Variants in NEGR1 observed in about 807,000 individuals in gnomAD.
NEGR1 encodes the protein IgLON family member 4.
NEGR1 carries 10 observed loss-of-function variants against 40.9 expected under a neutral mutation model. The observed-to-expected ratio is 0.24, with a 90% CI of 0.15 to 0.42. The LOEUF is 0.42. NEGR1 is among the 10% of genes least tolerant of loss of function. NEGR1 has a pLI of 1.00. For missense variants in NEGR1, 352 were observed against 438.9 expected (o/e 0.80, Z 1.77); for synonymous variants, 185 against 166.8 (o/e 1.11, Z -0.84).
chr1:71,922,592 C>A (rs1281609428), intron 2 of NEGR1, among the ~76,000 whole-genome samples: 1 of 152,112 alleles, frequency 6.6e-6, no homozygotes, highest in Admixed American at 6.5e-5. Context: ...ATTTTACAGT[C>A]TAACTTTGTT....
intron 1 of NEGR1, among the ~76,000 whole-genome samples, chr1:71,959,191 T>A (rs989986618): frequency 9.9e-5 from 15 of 152,120 alleles, no homozygotes; most frequent in African/African-American, 3.4e-4. Flanking sequence ...ACATGATGAT[T>A]CTCAAATTCA....
intron 1 of NEGR1, among the ~76,000 whole-genome samples, chr1:72,006,218 T>C (rs890155964): frequency 3.3e-5 from 5 of 152,204 alleles, no homozygotes; most frequent in African/African-American, 1.2e-4. Flanking sequence ...GGCACTTCTG[T>C]GTGTCCACTT....
chr1:72,002,585 T>C (rs1646567485), intron 1 of NEGR1, among the ~76,000 whole-genome samples: 1 of 152,112 alleles, frequency 6.6e-6, no homozygotes, highest in Non-Finnish European at 1.5e-5. Flanking sequence ...TGGTAGAATT[T>C]TATTATAAAG....
intron 1 of NEGR1, among the ~76,000 whole-genome samples, chr1:72,191,485 G>A (rs1652819298): frequency 6.6e-6 from 1 of 151,656 alleles, no homozygotes; most frequent in Non-Finnish European, 1.5e-5. Context: ...ACTTCAACTG[G>A]TTTTTGTTAA....
At chr1:71,703,515 G>GAAAA (rs1016841839) in intron 3 of NEGR1, 1 of 145,428 alleles carries the variant, frequency 6.9e-6, no homozygotes, top group South Asian at 2.1e-4. Context: ...GGAAATAAGA[G>GAAAA]AAAAAAAATT....
chr1:71,964,726 A>G (rs1325464981), intron 1 of NEGR1, among the ~76,000 whole-genome samples: 2 of 152,184 alleles, frequency 1.3e-5, no homozygotes, highest in Non-Finnish European at 2.9e-5. Context: ...GTTATGCAGT[A>G]ATATCAATGA....
intron 6 of NEGR1, among the ~76,000 whole-genome samples, chr1:71,499,737 G>A (rs1474354509): frequency 6.6e-6 from 1 of 151,730 alleles, no homozygotes; most frequent in Non-Finnish European, 1.5e-5. Context: ...AATAAGACTA[G>A]GCAGGTAGAA....
intron 6 of NEGR1, among the ~76,000 whole-genome samples, chr1:71,457,055 G>C (rs1314879415): frequency 1.3e-5 from 2 of 152,106 alleles, no homozygotes; most frequent in Non-Finnish European, 2.9e-5. Context: ...TGGCTTCTGA[G>C]AGTCCTCACA....
At chr1:72,266,524 T>C (rs1655645101) in intron 1 of NEGR1, among the ~76,000 whole-genome samples, 1 of 150,984 alleles carries the variant, frequency 6.6e-6, no homozygotes, top group African/African-American at 2.4e-5. Flanking sequence ...AGAAGTCTTT[T>C]ATAAAATATG....
intron 6 of NEGR1, among the ~76,000 whole-genome samples, chr1:71,591,290 A>G (rs1272202991): frequency 2.0e-5 from 3 of 152,162 alleles, no homozygotes; most frequent in African/African-American, 7.2e-5. Flanking sequence ...TCAGCACTAT[A>G]TTATTTCCAG....
rs963465566 is a variant in NEGR1 at position 71,815,887 on chromosome 1, C to A, written c.410-39590G>T. Among the ~76,000 whole-genome samples, 4 of 152,144 alleles carry A rather than the reference C, an allele frequency of 2.6e-5. No homozygotes were observed. In the East Asian group the frequency reaches 7.8e-4, roughly 30 times the overall value. On this transcript the variant is annotated intron_variant, in intron 2 of 6. Coordinates refer to ENST00000357731, the MANE Select transcript of NEGR1 (RefSeq NM_173808.3). ...GCCAGTGATCACTGATAAACTGGAT[C>A]ATGGTTGAAGTGATAAAAGGTTTAA...
chr1:72,216,334 T>C (rs1453442225), intron 1 of NEGR1, among the ~76,000 whole-genome samples: 1 of 147,210 alleles, frequency 6.8e-6, no homozygotes, highest in African/African-American at 2.5e-5. Flanking sequence ...GTAACAAACC[T>C]GCAGGTTCTG....
intron 1 of NEGR1, among the ~76,000 whole-genome samples, chr1:72,181,920 T>A (rs1254603231): frequency 6.6e-6 from 1 of 152,038 alleles, no homozygotes; most frequent in Non-Finnish European, 1.5e-5. Context: ...GAGAGGTGTA[T>A]CTCAGAGGAT....
chr1:71,904,572 A>T (rs1324514893), intron 2 of NEGR1, among the ~76,000 whole-genome samples: 1 of 152,178 alleles, frequency 6.6e-6, no homozygotes, highest in Non-Finnish European at 1.5e-5. Flanking sequence ...TGGCAAAATT[A>T]GAAATCTCTT....
chr1:72,073,219 T>C (rs79012044), intron 1 of NEGR1, among the ~76,000 whole-genome samples: 23 of 152,202 alleles, frequency 1.5e-4, no homozygotes, highest in African/African-American at 5.5e-4. Context: ...TTATGTGCCT[T>C]CTGAGGATCG....
At chr1:71,560,798 A>G (rs1158835270) in intron 6 of NEGR1, among the ~76,000 whole-genome samples, 1 of 151,476 alleles carries the variant, frequency 6.6e-6, no homozygotes, top group Non-Finnish European at 1.5e-5. Flanking sequence ...TAAGCTTCAT[A>G]TCCATTGTCT....
chr1:71,457,196 T>G (rs906828072), intron 6 of NEGR1, among the ~76,000 whole-genome samples: 2 of 152,130 alleles, frequency 1.3e-5, no homozygotes, highest in Non-Finnish European at 2.9e-5. Context: ...TCCACTCTCA[T>G]GTGGTCTAAA....
Position 71,704,060 on chromosome 1 carries a change from A to G in NEGR1, c.536-5921T>C, listed in dbSNP as rs186840995. On this transcript the variant is annotated intron_variant, in intron 3 of 6. Transcript: ENST00000357731. ...AATCTAAAAAGGAGCCAGAGATAAAATACACATTTTACACTAAGAAACTGA... is the reference window on the plus strand; with the variant it reads ...AATCTAAAAAGGAGCCAGAGATAAAGTACACATTTTACACTAAGAAACTGA... 1.9e-3 allele frequency among the ~76,000 whole-genome samples: 282 copies of G among 152,100 alleles called. 2 individuals are homozygous for G. The highest frequency in any genetic ancestry group is 6.6e-3 in the African/African-American group (275 of 41,558).
At chr1:71,475,431 G>A (rs1646813096) in intron 6 of NEGR1, among the ~76,000 whole-genome samples, 1 of 152,060 alleles carries the variant, frequency 6.6e-6, no homozygotes, top group South Asian at 2.1e-4. Flanking sequence ...AATTAGTTAT[G>A]TTAATCTGAG....
Sources: allele counts gnomAD v4.1 joint callset (sites outside exome capture counted in the v4.1 genomes callset), GRCh38; gene constraint gnomAD v4.1.1; transcripts MANE v1.5; gene names NCBI Gene and HGNC (gene_info 2026-07-23, HGNC 2026-07-21).